EIF3A: variants seen among roughly 807,000 people sequenced by gnomAD.
The protein encoded by EIF3A is EIF3, p180 subunit.
A neutral mutation model predicts 186.6 loss-of-function variants in EIF3A; 21 were observed. The ratio of observed to expected loss-of-function variants is 0.11; its 90% CI spans 0.08 to 0.16. EIF3A has a LOEUF of 0.16. EIF3A is among the 10% of genes least tolerant of loss of function. The pLI, the probability that EIF3A is intolerant of heterozygous loss-of-function variation, is 1.00. For missense variants in EIF3A, 1,306 were observed against 1,796.3 expected (o/e 0.73, Z 4.93); for synonymous variants, 563 against 584.3 (o/e 0.96, Z 0.52).
chr10:119,042,145 A>G lies in EIF3A; in HGVS notation c.3375T>C (p.Asp1125=). 6.2e-7 allele frequency: 1 copy of G among 1,614,128 alleles called. No homozygotes were observed. Among genetic ancestry groups the G allele is most frequent in the Non-Finnish European group, 8.5e-7 (1 of 1,180,016 alleles). The change falls in exon 19 of 22, where the codon GAT becomes GAC. Residue 1125 remains aspartate, a synonymous_variant. Coordinates refer to ENST00000369144, the MANE Select transcript of EIF3A (RefSeq NM_003750.4). This position sits in a 1 kb window ranked among gnomAD's most constrained non-coding sequence, Gnocchi z 7.8. ...DDRGPWRNAD[D]DRIPRRGAED... is the part of the protein sequence containing the mutation. ...CTGCACCACGCCTGGGAATTCTGTC[A>G]TCATCGGCGTTCCTCCAAGGTCCTC...
intron 4 of EIF3A, 91 bp from the exon 5 acceptor site, chr10:119,071,176 T>C: frequency 1.1e-6 from 1 of 923,238 alleles, no homozygotes; most frequent in East Asian, 2.6e-5. Flanking sequence ...AGATCAGTTG[T>C]TTTAACAGGA....
chr10:119,065,029 C>A (rs983009767), intron 7 of EIF3A, among the ~76,000 whole-genome samples: 2 of 151,996 alleles, frequency 1.3e-5, no homozygotes, highest in Non-Finnish European at 2.9e-5. Context: ...TATAGCAGTG[C>A]GAGAACATAC....
Position 119,042,834 on chromosome 10 carries a change from A to ATT in EIF3A, c.2748-64_2748-63dup. ...TAAAAAAGCATATGATCCTTTGGGG[A>ATT]TTTTTTTTTTCACATGCTTTTTAAA... is the stretch of plus-strand genomic sequence containing the variant. On this transcript the variant is annotated intron_variant, in intron 18 of 21. Transcript: ENST00000369144. The surrounding 1 kb of genome is among the most constrained non-coding windows in gnomAD (Gnocchi z 7.8). 2 of 1,417,928 alleles carry ATT rather than the reference A, an allele frequency of 1.4e-6. No individual in the cohort carries two copies. The highest frequency in any genetic ancestry group is 1.9e-6 in the Non-Finnish European group (2 of 1,072,080). The allele number at this position is 1,417,928 out of a possible 1,614,324, so 87.8% of individuals were successfully genotyped here. A position where few individuals can be genotyped will look rare whatever the true frequency, so the allele number is the denominator to read the frequency against.
At chr10:119,067,845 C>G (rs1399858165) in intron 6 of EIF3A, among the ~76,000 whole-genome samples, 1 of 151,618 alleles carries the variant, frequency 6.6e-6, no homozygotes, top group Non-Finnish European at 1.5e-5. Context: ...GAGTCTTGCT[C>G]TATCGTCCAG....
intron 7 of EIF3A, among the ~76,000 whole-genome samples, chr10:119,062,472 A>T (rs78771989): frequency 0.016 from 2,416 of 152,226 alleles, 29 homozygotes; most frequent in Non-Finnish European, 0.024. Flanking sequence ...TATATGGTCA[A>T]CTCAAGAAGT....
At chr10:119,051,675 AT>A (rs1425891329) in intron 14 of EIF3A, among the ~76,000 whole-genome samples, 1 of 152,186 alleles carries the variant, frequency 6.6e-6, no homozygotes, top group East Asian at 1.9e-4. Flanking sequence ...AGCAACGCAG[AT>A]TTTTTGGTTA....
At position 119,038,283 on chromosome 10, in the gene EIF3A, T is replaced by C; in HGVS notation, c.3683A>G (p.Asp1228Gly). The C allele has an allele frequency of 6.2e-7, 1 of 1,614,126 alleles. No homozygotes were observed. The highest frequency in any genetic ancestry group is 8.5e-7 in the Non-Finnish European group (1 of 1,180,008). Residue 1228 changes from aspartate (D) to glycine (G), a missense_variant, in exon 20 of 22, where the codon GAC (aspartate) becomes GGC (glycine). Asp to Gly is a moderately conservative substitution (Grantham distance 94). Around this residue, in one of 8 missense-constraint regions of EIF3A, gnomAD observed 331 missense variants for 365.8 expected, o/e 0.90. Transcript: ENST00000369144. ...ENDKDPERER[D>G]RERDVDREDR... The stretch of plus-strand genomic sequence containing the variant: ...CTCTCGATCCACATCTCTCTCTCTG[T>C]CCCTTTCTCTCTCAGGGTCCTTGTC...
chr10:119,041,219 T>C (rs1256209178), intron 19 of EIF3A, among the ~76,000 whole-genome samples: 3 of 151,886 alleles, frequency 2.0e-5, no homozygotes, highest in African/African-American at 4.8e-5. Context: ...CACAAACATG[T>C]ATACAACTGC....
In EIF3A at chr10:119,038,468, T is replaced by A. The variant is rs750368359; in HGVS notation, c.3527-29A>T. The A allele has an allele frequency of 4.4e-5, 69 of 1,554,310 alleles. 1 individual carries two copies. The highest frequency in any genetic ancestry group is 2.7e-4 in the Admixed American group (14 of 52,100). The stretch of plus-strand genomic sequence containing the variant: ...TTTTTTTGAAAAAGCAAAACATTTT[T>A]AAAATATTTTTAAAAGAAGAAACAG... On this transcript the variant is annotated intron_variant, in intron 19 of 21. Transcript: ENST00000369144.
chr10:119,080,117 GC>G (rs1844238538), intron 1 of EIF3A, among the ~76,000 whole-genome samples: 1 of 152,260 alleles, frequency 6.6e-6, no homozygotes, highest in South Asian at 2.1e-4. Context: ...GGCTTGGAGA[GC>G]GGGGGTGGCT....
chr10:119,070,522 CT>C (rs1390107643), intron 5 of EIF3A, among the ~76,000 whole-genome samples: 1 of 151,518 alleles, frequency 6.6e-6, no homozygotes, highest in East Asian at 1.9e-4. Context: ...AATAAAATTG[CT>C]ACTAAGAAAC....
At chr10:119,040,522 G>A (rs1318282088) in intron 19 of EIF3A, among the ~76,000 whole-genome samples, 1 of 152,166 alleles carries the variant, frequency 6.6e-6, no homozygotes, top group East Asian at 1.9e-4. Flanking sequence ...CTACCAAGTG[G>A]AGATGTGCTA....
In EIF3A at chr10:119,038,299, G is replaced by A. The variant is rs372256456; in HGVS notation, c.3667C>T (p.Pro1223Ser). Reference protein sequence around the residue: ...NQDREENDKDPERERDRERDV... With the variant: ...NQDREENDKDSERERDRERDV... ...CTCTCTCTGTCCCTTTCTCTCTCAG[G>A]GTCCTTGTCATTCTCCTCCCGATCT... Residue 1223 changes from proline (P) to serine (S), a missense_variant, in exon 20 of 22, where the codon CCT becomes TCT. By Grantham distance (74) the Pro-to-Ser change is moderately conservative. This residue lies in a region of EIF3A where 331 missense variants were observed against 365.8 expected (regional missense o/e 0.90). Coordinates refer to ENST00000369144, the MANE Select transcript of EIF3A (RefSeq NM_003750.4). 7 of 1,613,492 alleles carry A rather than the reference G, an allele frequency of 4.3e-6. No individual in the cohort carries two copies. Among genetic ancestry groups the A allele is most frequent in the Non-Finnish European group, 5.1e-6 (6 of 1,179,886 alleles).
chr10:119,053,981 C>A lies in EIF3A; in HGVS notation c.2197-2660G>T, dbSNP rs111482600. Among the ~76,000 whole-genome samples the A allele has an allele frequency of 3.3e-5, 5 of 152,256 alleles. No homozygotes were observed. The South Asian group carries it at 1.0e-3, about 32-fold the overall frequency. On this transcript the variant is annotated intron_variant, in intron 14 of 21. Coordinates refer to ENST00000369144, the MANE Select transcript of EIF3A (RefSeq NM_003750.4). ...GGTTGCCCAGGGTGGAGTGCAGTGG[C>A]GCAATCTCAGCTCACTGCAACCTCT...
Position 119,042,907 on chromosome 10 carries a change from C to G in EIF3A, c.2748-135G>C, listed in dbSNP as rs1848232733. 8 of 919,834 alleles carry G rather than the reference C, an allele frequency of 8.7e-6. No individual in the cohort carries two copies. Among genetic ancestry groups the G allele is most frequent in the Non-Finnish European group, 1.3e-5 (8 of 636,378 alleles). 57.0% of individuals were successfully genotyped at this position (919,834 alleles called of 1,614,324 possible). On this transcript the variant is annotated intron_variant, in intron 18 of 21. Transcript: ENST00000369144. The surrounding 1 kb of genome is among the most constrained non-coding windows in gnomAD (Gnocchi z 7.8). ...GTGGCTCGCACCTTTAATCCCAGCACTCTGGGAAGCAGAGGCAGGCAGATC... is the reference window on the plus strand; with the variant it reads ...GTGGCTCGCACCTTTAATCCCAGCAGTCTGGGAAGCAGAGGCAGGCAGATC...
At chr10:119,046,172 C>A (rs975528259) in intron 17 of EIF3A, among the ~76,000 whole-genome samples, 3 of 152,056 alleles carry the variant, frequency 2.0e-5, no homozygotes, top group African/African-American at 7.2e-5. Context: ...CTTCCTTTAC[C>A]GCAAGAATAG....
rs1298036027 is a variant in EIF3A at position 119,050,132 on chromosome 10, TAGTC to T, written c.2474-151_2474-148del. 3 of 796,880 alleles carry T rather than the reference TAGTC, an allele frequency of 3.8e-6. No individual in the cohort carries two copies. In the African/African-American group the frequency reaches 5.2e-5, roughly 14 times the overall value. 49.4% of individuals were successfully genotyped at this position (796,880 alleles called of 1,614,324 possible). A position where few individuals can be genotyped will look rare whatever the true frequency, so the allele number is the denominator to read the frequency against. On this transcript the variant is annotated intron_variant, in intron 16 of 21. Coordinates refer to ENST00000369144, the MANE Select transcript of EIF3A (RefSeq NM_003750.4). ...TTGTAATCAGCTACAGGACAGAACA[TAGTC>T]AAGAAAATAAGTACTACACCCCTCA... is the stretch of plus-strand genomic sequence containing the variant.
At chr10:119,050,445 A>T in intron 16 of EIF3A, 76 bp downstream of exon 16, 1 of 1,420,240 alleles carries the variant, frequency 7.0e-7, no homozygotes, top group Non-Finnish European at 9.7e-7. Flanking sequence ...TGTATTTTCT[A>T]CATAAGATCA....
intron 14 of EIF3A, among the ~76,000 whole-genome samples, chr10:119,051,585 A>C (rs1325103383): frequency 1.3e-5 from 2 of 152,172 alleles, no homozygotes; most frequent in African/African-American, 4.8e-5. Context: ...TAAAGGAAAA[A>C]TTATGATACA....
Sources: gnomAD v4.1 joint callset for allele counts (sites outside exome capture counted in the v4.1 genomes callset) on GRCh38, gnomAD v4.1.1 for gene constraint, gnomAD v4.1.1 regional missense constraint, Gnocchi (gnomAD v3.1) non-coding constraint, MANE v1.5 for transcripts, NCBI Gene and HGNC (gene_info 2026-07-23, HGNC 2026-07-21) for gene names.